ZFHX3: variants seen among roughly 807,000 people sequenced by gnomAD.
ZFHX3 encodes the protein zinc finger homeobox 3.
ZFHX3 carries 42 observed loss-of-function variants against 279.1 expected under a neutral mutation model. The ratio of observed to expected loss-of-function variants is 0.15; its 90% confidence interval spans 0.12 to 0.19. ZFHX3 has a LOEUF of 0.19. Among genes scored for constraint, ZFHX3 ranks in the 10% least tolerant of loss-of-function variants. The probability of loss-of-function intolerance (pLI) is 1.00; values close to 1 mark genes in which losing one functional copy is unlikely to be tolerated. For missense variants in ZFHX3, 4,981 were observed against 4,754.0 expected (o/e 1.05, Z -1.40); for synonymous variants, 2,293 against 1,957.8 (o/e 1.17, Z -4.52).
chr16:73,722,692 T>C (rs937437180), intron 1 of ZFHX3, among the ~76,000 whole-genome samples: 1 of 152,158 alleles, frequency 6.6e-6, no homozygotes, highest in African/African-American at 2.4e-5. Flanking sequence ...CCATGACACA[T>C]TTAATGAAAC....
intron 7 of ZFHX3, among the ~76,000 whole-genome samples, chr16:73,129,379 G>GACACACACACACACACACACACAC (rs59666622): frequency 6.5e-5 from 9 of 137,926 alleles, no homozygotes; most frequent in Admixed American, 3.1e-4. Flanking sequence ...CAGAGACTCT[G>GACACACACACACACACACACACAC]ACACACACAC....
At chr16:73,789,604 G>A (rs887566009) in intron 1 of ZFHX3, among the ~76,000 whole-genome samples, 4 of 152,076 alleles carry the variant, frequency 2.6e-5, no homozygotes, top group African/African-American at 7.2e-5. Context: ...TATTTTTACC[G>A]CTAGTATTAC....
At chr16:73,865,091 G>C (rs1961977106) in intron 1 of ZFHX3, among the ~76,000 whole-genome samples, 1 of 152,218 alleles carries the variant, frequency 6.6e-6, no homozygotes, top group Admixed American at 6.5e-5. Flanking sequence ...ATGAAAGACA[G>C]ACCTGGGCAT....
intron 1 of ZFHX3, among the ~76,000 whole-genome samples, chr16:73,887,646 C>T (rs1322781320): frequency 6.7e-6 from 1 of 150,136 alleles, no homozygotes; most frequent in African/African-American, 2.5e-5. Context: ...CAGGAAGAAA[C>T]CAAAAAATTT....
At chr16:73,219,499 C>A (rs1301681616) in intron 5 of ZFHX3, among the ~76,000 whole-genome samples, 2 of 152,152 alleles carry the variant, frequency 1.3e-5, no homozygotes, top group Non-Finnish European at 1.5e-5. Flanking sequence ...TGTAGAGATG[C>A]CCTACAACTG....
intron 2 of ZFHX3, among the ~76,000 whole-genome samples, chr16:73,673,202 G>A (rs941100552): frequency 1.3e-5 from 2 of 152,130 alleles, no homozygotes; most frequent in Non-Finnish European, 2.9e-5. Context: ...CCCTCTAAGT[G>A]GGGAGGAGGA....
chr16:73,313,513 C>T (rs1213966871), intron 4 of ZFHX3, among the ~76,000 whole-genome samples: 1 of 152,166 alleles, frequency 6.6e-6, no homozygotes, highest in Non-Finnish European at 1.5e-5. Flanking sequence ...CTTATTGTCC[C>T]TATTTCATAG....
At chr16:73,099,287 G>T (rs1419203843) in intron 7 of ZFHX3, 1 of 152,210 alleles carries the variant, frequency 6.6e-6, no homozygotes, top group Non-Finnish European at 1.5e-5. Context: ...AATGAAAAAT[G>T]TGAATTTAAA....
At chr16:73,767,489 C>T (rs1291229790) in intron 1 of ZFHX3, among the ~76,000 whole-genome samples, 2 of 152,096 alleles carry the variant, frequency 1.3e-5, no homozygotes, top group African/African-American at 2.4e-5. Flanking sequence ...CTGTTTATTT[C>T]TCAGTTTTCT....
intron 5 of ZFHX3, among the ~76,000 whole-genome samples, chr16:73,149,285 ATAT>A (rs1365930020): frequency 6.7e-6 from 1 of 148,784 alleles, no homozygotes; most frequent in Non-Finnish European, 1.5e-5. Context: ...ACATTACATA[ATAT>A]TATCAGCAGA....
At chr16:73,755,989 C>A (rs993853499) in intron 1 of ZFHX3, among the ~76,000 whole-genome samples, 14 of 152,310 alleles carry the variant, frequency 9.2e-5, no homozygotes, top group Admixed American at 5.9e-4. Context: ...TCTGACCACT[C>A]TCCACCGCTT....
At chr16:73,309,215 T>C (rs571299129) in intron 4 of ZFHX3, among the ~76,000 whole-genome samples, 1 of 152,140 alleles carries the variant, frequency 6.6e-6, no homozygotes, top group Non-Finnish European at 1.5e-5. Context: ...TTTTTTTGGA[T>C]CCTCTCCCTT....
intron 4 of ZFHX3, among the ~76,000 whole-genome samples, chr16:73,294,758 GC>G (rs1372764329): frequency 6.6e-6 from 1 of 150,518 alleles, no homozygotes; most frequent in Non-Finnish European, 1.5e-5. Flanking sequence ...GTTGCAGTGA[GC>G]CAAGACCGTA....
At chr16:73,619,550 G>C (rs866083835) in intron 2 of ZFHX3, among the ~76,000 whole-genome samples, 1 of 149,670 alleles carries the variant, frequency 6.7e-6, no homozygotes, top group African/African-American at 2.5e-5. Flanking sequence ...TCTTTCAATA[G>C]CATTGCCTTT....
chr16:73,111,025 C>T (rs1223411764), intron 7 of ZFHX3, among the ~76,000 whole-genome samples: 1 of 152,094 alleles, frequency 6.6e-6, no homozygotes, highest in Non-Finnish European at 1.5e-5. Flanking sequence ...ACTGCAACCT[C>T]CGGCTCCTGA....
At chr16:72,915,881 C>T (rs1276002882) in intron 3 of ZFHX3, among the ~76,000 whole-genome samples, 2 of 152,234 alleles carry the variant, frequency 1.3e-5, no homozygotes. Flanking sequence ...GTGCCAGGCA[C>T]AGTTCCAACG....
At chr16:73,847,352 G>C (rs1166548199) in intron 1 of ZFHX3, among the ~76,000 whole-genome samples, 1 of 152,154 alleles carries the variant, frequency 6.6e-6, no homozygotes, top group Non-Finnish European at 1.5e-5. Context: ...AGGAACATGA[G>C]CATCAAACTA....
rs528995296 is a variant in ZFHX3 at position 72,959,100 on chromosome 16, T to A, written c.1046A>T (p.His349Leu). ...GAGGTTAGCTGTGGAAACTAAAGGG[T>A]GTTGAAAGTTTTTGTTTTTTGGTTC... ...FLEPKNKNFQ[H>L]PLVSTANLIG... Residue 349 changes from histidine to leucine, a missense_variant, in exon 2 of 10, where the codon CAC becomes CTC. Around this residue, in one of 7 missense-constraint regions of ZFHX3, gnomAD observed 1,068 missense variants for 935.2 expected, o/e 1.14. Transcript: ENST00000268489. 4.3e-6 allele frequency: 7 copies of A among 1,614,132 alleles called. No individual in the cohort carries two copies. In the African/African-American group the frequency reaches 5.3e-5, roughly 12 times the overall value.
intron 3 of ZFHX3, among the ~76,000 whole-genome samples, chr16:73,422,666 T>G (rs1016767527): frequency 2.0e-5 from 3 of 152,158 alleles, no homozygotes; most frequent in African/African-American, 7.2e-5. Flanking sequence ...GCATTCACAT[T>G]TCCTCTCAAA....
Sources: allele counts gnomAD v4.1 joint callset (sites outside exome capture counted in the v4.1 genomes callset), GRCh38; gene constraint gnomAD v4.1.1; regional missense constraint gnomAD v4.1.1; transcripts MANE v1.5; gene names NCBI Gene and HGNC (gene_info 2026-07-23, HGNC 2026-07-21).